OGDH: variants seen among roughly 807,000 people sequenced by gnomAD.
The protein encoded by OGDH is 2-oxoglutarate dehydrogenase complex component E1.
A neutral mutation model predicts 116.6 loss-of-function variants in OGDH; 38 were observed. The observed-to-expected ratio is 0.33, with a 90% CI of 0.25 to 0.43. The LOEUF is 0.43. OGDH is among the 20% of genes least tolerant of loss of function. The pLI, the probability that OGDH is intolerant of heterozygous loss-of-function variation, is 1.00. For synonymous variants in OGDH, 488 were observed against 533.3 expected, an observed-to-expected ratio of 0.92 and a Z score of 1.17; for missense variants, 825 against 1,357.2, an observed-to-expected ratio of 0.61 and a Z score of 6.16.
intron 10 of OGDH, among the ~76,000 whole-genome samples, chr7:44,682,404 A>G (rs1319287865): frequency 6.6e-6 from 1 of 151,182 alleles, no homozygotes; most frequent in East Asian, 1.9e-4. Flanking sequence ...AAAAGAAAAG[A>G]AAAAAAGTTA....
At chr7:44,672,425 G>A (rs1787502749) in intron 5 of OGDH, among the ~76,000 whole-genome samples, 1 of 152,172 alleles carries the variant, frequency 6.6e-6, no homozygotes, top group African/African-American at 2.4e-5. Flanking sequence ...TACTCTGGCA[G>A]CAGTGGCTGC....
intron 2 of OGDH, among the ~76,000 whole-genome samples, chr7:44,638,828 C>G (rs924284177): frequency 6.6e-6 from 1 of 152,236 alleles, no homozygotes; most frequent in Non-Finnish European, 1.5e-5. Flanking sequence ...TGCTTTGACT[C>G]TCTCTTCCAG....
At chr7:44,698,109 T>C in intron 17 of OGDH, 83 bp from the exon 18 acceptor site, 1 of 1,433,690 alleles carries the variant, frequency 7.0e-7, no homozygotes, top group Non-Finnish European at 9.7e-7. Flanking sequence ...AGAAATGAGC[T>C]AGTTGGTTGA....
intron 10 of OGDH, among the ~76,000 whole-genome samples, chr7:44,690,472 T>C (rs1018808065): frequency 1.3e-5 from 2 of 152,240 alleles, no homozygotes; most frequent in Non-Finnish European, 1.5e-5. Context: ...GTGGTAAGTA[T>C]AGCTGCCTCA....
intron 5 of OGDH, among the ~76,000 whole-genome samples, chr7:44,668,542 C>A (rs1164712553): frequency 6.6e-6 from 1 of 152,216 alleles, no homozygotes; most frequent in Non-Finnish European, 1.5e-5. Flanking sequence ...GCTTCACCGC[C>A]TGCCTTCCTC....
chr7:44,675,660 G>A (rs992371060), intron 8 of OGDH, among the ~76,000 whole-genome samples: 2 of 151,986 alleles, frequency 1.3e-5, no homozygotes, highest in East Asian at 1.9e-4. Flanking sequence ...GGCGGATCAC[G>A]TGAGGTCGAG....
At chr7:44,607,231 C>T (rs1325984129) in intron 1 of OGDH, among the ~76,000 whole-genome samples, 3 of 152,244 alleles carry the variant, frequency 2.0e-5, no homozygotes, top group Non-Finnish European at 4.4e-5. Context: ...GCCGCCCCCA[C>T]ACCTGCTGCC....
At chr7:44,620,016 A>C (rs192648732) in intron 1 of OGDH, among the ~76,000 whole-genome samples, 2 of 152,108 alleles carry the variant, frequency 1.3e-5, no homozygotes, top group East Asian at 1.9e-4. Flanking sequence ...GAAGCACAAA[A>C]ATTTTTTGTT....
chr7:44,673,259 A>C (rs1033951205), intron 5 of OGDH, among the ~76,000 whole-genome samples: 7 of 152,184 alleles, frequency 4.6e-5, no homozygotes, highest in Non-Finnish European at 7.3e-5. Flanking sequence ...TTGAGGCTGC[A>C]ACGGGCTCTG....
chr7:44,653,572 G>T (rs1260954288), intron 4 of OGDH, among the ~76,000 whole-genome samples: 1 of 152,172 alleles, frequency 6.6e-6, no homozygotes, highest in Non-Finnish European at 1.5e-5. Context: ...TGTAGCCCAG[G>T]CTGGAATGCA....
chr7:44,628,489 A>G (rs946876017), intron 2 of OGDH, among the ~76,000 whole-genome samples: 6 of 150,946 alleles, frequency 4.0e-5, no homozygotes, highest in African/African-American at 1.2e-4. Flanking sequence ...AGTAGGAGCC[A>G]TGCCTGTAAT....
In OGDH at chr7:44,697,074, T is replaced by C. The variant is rs768562577; in HGVS notation, c.2051+10T>C. On this transcript the variant is annotated intron_variant, in intron 15 of 22. Coordinates refer to ENST00000222673, the MANE Select transcript of OGDH (RefSeq NM_002541.4). This position sits in a 1 kb window ranked among gnomAD's most constrained non-coding sequence, Gnocchi z 6.0. ...AGCGGGGCACATTCAGGTAACGTTCTGGGCAGTTTTGTTTGCCCTCCAAAG... is the reference window on the plus strand; with the variant it reads ...AGCGGGGCACATTCAGGTAACGTTCCGGGCAGTTTTGTTTGCCCTCCAAAG... 3.1e-6 allele frequency: 5 copies of C among 1,606,374 alleles called. No individual in the cohort carries two copies. In the Admixed American group the frequency reaches 8.4e-5, roughly 27 times the overall value.
At position 44,693,983 on chromosome 7, in the gene OGDH, C is replaced by T; in HGVS notation, c.1494C>T (p.His498=). The change falls in exon 11 of 23, where the codon CAC becomes CAT. Residue 498 remains histidine, a synonymous_variant. Transcript: ENST00000222673. ...KVAAEWRSTF[H]KDVVVDLVCY... ...CGGCCGAGTGGAGGAGCACCTTCCACAAGGACGTGGTTGTCGATTTGGTGA... is the reference window on the plus strand; with the variant it reads ...CGGCCGAGTGGAGGAGCACCTTCCATAAGGACGTGGTTGTCGATTTGGTGA... 2 of 1,613,256 alleles carry T rather than the reference C, an allele frequency of 1.2e-6. No individual in the cohort carries two copies. The highest frequency in any genetic ancestry group is 1.3e-5 in the African/African-American group (1 of 75,052).
At chr7:44,695,214 GCGTCC>G (rs1296988723) in intron 12 of OGDH, among the ~76,000 whole-genome samples, 1 of 152,004 alleles carries the variant, frequency 6.6e-6, no homozygotes, top group Non-Finnish European at 1.5e-5. Flanking sequence ...TCATGTCTCA[GCGTCC>G]CAAGTACCTG....
In OGDH at chr7:44,684,437, T is replaced by C. The variant is rs143115804; in HGVS notation, c.1335+2589T>C. Among the ~76,000 whole-genome samples, 392 of 152,262 alleles carry C rather than the reference T, an allele frequency of 2.6e-3. 1 individual carries two copies. The highest frequency in any genetic ancestry group is 8.6e-3 in the African/African-American group (358 of 41,556). ...AGCAAATACTAAAGAGCTCAAAATT[T>C]AAGAGGTCAAATACTAAGAGAGGGT... On this transcript the variant is annotated intron_variant, in intron 10 of 22. Transcript: ENST00000222673.
intron 6 of OGDH, among the ~76,000 whole-genome samples, 184 bp from the exon 7 acceptor site, chr7:44,674,227 T>C (rs1035232521): frequency 6.6e-6 from 1 of 152,186 alleles, no homozygotes; most frequent in African/African-American, 2.4e-5. Flanking sequence ...ATATTTTTAG[T>C]AGAGATGAGG....
intron 2 of OGDH, among the ~76,000 whole-genome samples, chr7:44,642,033 A>C (rs1201565027): frequency 6.6e-6 from 1 of 152,200 alleles, no homozygotes; most frequent in Non-Finnish European, 1.5e-5. Flanking sequence ...AGTTTTCATG[A>C]GAACCGATTT....
intron 4 of OGDH, among the ~76,000 whole-genome samples, chr7:44,665,916 C>T (rs1254829446): frequency 6.6e-6 from 1 of 152,164 alleles, no homozygotes; most frequent in Non-Finnish European, 1.5e-5. Context: ...AGAGCTCTTC[C>T]AGCATTATTC....
At chr7:44,618,354 A>C (rs1392723245) in intron 1 of OGDH, among the ~76,000 whole-genome samples, 2 of 152,106 alleles carry the variant, frequency 1.3e-5, no homozygotes, top group East Asian at 3.8e-4. Context: ...GAGCATTTTC[A>C]TCCTCTCCTC....
Sources: allele counts gnomAD v4.1 joint callset (sites outside exome capture counted in the v4.1 genomes callset), GRCh38; gene constraint gnomAD v4.1.1; non-coding constraint Gnocchi (gnomAD v3.1); transcripts MANE v1.5; gene names NCBI Gene and HGNC (gene_info 2026-07-23, HGNC 2026-07-21).